Variants in RBFOX1 observed in about 807,000 individuals in gnomAD.
RBFOX1 encodes the protein RNA binding protein fox-1 homolog 1.
In RBFOX1, 8 loss-of-function variants were observed where a neutral mutation model predicts 57.7. The observed-to-expected ratio is 0.14, with a 90% confidence interval of 0.08 to 0.25. The LOEUF is 0.25. Among genes scored for constraint, RBFOX1 ranks in the 10% least tolerant of loss-of-function variants. The pLI, the probability that RBFOX1 is intolerant of heterozygous loss-of-function variation, is 1.00. For synonymous variants in RBFOX1, 326 were observed against 222.4 expected, an observed-to-expected ratio of 1.47 and a Z score of -4.15; for missense variants, 611 against 548.5, an observed-to-expected ratio of 1.11 and a Z score of -1.14.
At chr16:6,854,804 C>G (rs908463263) in intron 3 of RBFOX1, among the ~76,000 whole-genome samples, 5 of 151,904 alleles carry the variant, frequency 3.3e-5, no homozygotes, top group Admixed American at 2.0e-4. Context: ...CCATGTTAGC[C>G]AGGATGGTCT....
In RBFOX1 at chr16:6,163,911, A is replaced by G. The variant is rs182555904; in HGVS notation, c.-127+143919A>G. The stretch of plus-strand genomic sequence containing the variant: ...TCAGACGTTGCCTCTGTGTTTTCTT[A>G]TTGAGTATATTTGAGGTTTACAATG... On this transcript the variant is annotated intron_variant, in intron 1 of 15. Transcript: ENST00000550418. Among the ~76,000 whole-genome samples the G allele has an allele frequency of 2.6e-4, 40 of 152,258 alleles. No homozygotes were observed. The East Asian group carries it at 5.4e-3, about 21-fold the overall frequency.
At chr16:7,573,449 A>T (rs960666922) in intron 5 of RBFOX1, among the ~76,000 whole-genome samples, 1 of 152,010 alleles carries the variant, frequency 6.6e-6, no homozygotes, top group Non-Finnish European at 1.5e-5. Flanking sequence ...AATTTCCTCC[A>T]TTCTCTGAAT....
intron 1 of RBFOX1, among the ~76,000 whole-genome samples, chr16:5,436,246 C>T (rs1300527665): frequency 6.6e-6 from 1 of 152,200 alleles, no homozygotes; most frequent in African/African-American, 2.4e-5. Flanking sequence ...TACCTGTGTT[C>T]CTTTTCTTCA....
At chr16:6,887,667 A>ATTTT (rs55796944) in intron 3 of RBFOX1, among the ~76,000 whole-genome samples, 1 of 143,800 alleles carries the variant, frequency 7.0e-6, no homozygotes, top group Non-Finnish European at 1.5e-5. Context: ...TTCCATAGTC[A>ATTTT]TTTTTTTTTT....
intron 4 of RBFOX1, among the ~76,000 whole-genome samples, chr16:7,145,064 C>T (rs965759097): frequency 7.9e-5 from 12 of 152,196 alleles, no homozygotes; most frequent in Non-Finnish European, 1.5e-4. Context: ...CTGGTCTGCT[C>T]TTTTGGTACC....
chr16:6,813,848 T>C (rs1251802188), intron 3 of RBFOX1, among the ~76,000 whole-genome samples: 2 of 152,224 alleles, frequency 1.3e-5, no homozygotes, highest in Middle Eastern at 3.4e-3. Context: ...CCAACCCCTC[T>C]GGCTTCCATC....
intron 4 of RBFOX1, among the ~76,000 whole-genome samples, chr16:5,993,353 G>A (rs1055179291): frequency 3.5e-5 from 3 of 86,166 alleles, no homozygotes; most frequent in Admixed American, 2.1e-4. Flanking sequence ...GTGTGTGTGT[G>A]TGTGTGTGTG....
intron 1 of RBFOX1, among the ~76,000 whole-genome samples, chr16:6,144,134 C>G (rs575330963): frequency 6.6e-6 from 1 of 152,072 alleles, no homozygotes; most frequent in South Asian, 2.1e-4. Context: ...AGTTCTGAAG[C>G]ATGTATTCCT....
chr16:7,660,642 G>C (rs892857777), intron 12 of RBFOX1, among the ~76,000 whole-genome samples: 1 of 152,196 alleles, frequency 6.6e-6, no homozygotes, highest in Non-Finnish European at 1.5e-5. Context: ...ATAACACTTG[G>C]AGGATGGTGT....
At chr16:5,908,468 T>C (rs1031113210) in intron 4 of RBFOX1, among the ~76,000 whole-genome samples, 1 of 151,752 alleles carries the variant, frequency 6.6e-6, no homozygotes, top group African/African-American at 2.4e-5. Context: ...TTCTTCTGCC[T>C]CAGCTTCCCA....
chr16:7,097,650 G>A (rs1013146615), intron 4 of RBFOX1, among the ~76,000 whole-genome samples: 1 of 152,086 alleles, frequency 6.6e-6, no homozygotes, highest in Non-Finnish European at 1.5e-5. Flanking sequence ...ACTAAACCCA[G>A]GGCCTCTCTG....
chr16:7,292,227 TAGAAC>T, intron 4 of RBFOX1, among the ~76,000 whole-genome samples: 2 of 124,022 alleles, frequency 1.6e-5, no homozygotes, highest in African/African-American at 6.2e-5. Flanking sequence ...ATATATGATA[TAGAAC>T]GTATTATATA....
intron 5 of RBFOX1, among the ~76,000 whole-genome samples, chr16:7,559,310 T>C (rs2089694927): frequency 6.9e-6 from 1 of 145,478 alleles, no homozygotes. Context: ...TACATCTCTT[T>C]CTCTCAGTCT....
At chr16:5,521,948 A>G (rs890073887) in intron 2 of RBFOX1, among the ~76,000 whole-genome samples, 1 of 152,166 alleles carries the variant, frequency 6.6e-6, no homozygotes, top group Non-Finnish European at 1.5e-5. Flanking sequence ...CAGATTACAG[A>G]GGAGGCTGAG....
rs183200524 is a variant in RBFOX1, at chr16:5,821,651, T to A, written c.319-45652T>A. Among the ~76,000 whole-genome samples, 317 of 152,320 alleles carry A rather than the reference T, an allele frequency of 2.1e-3. 1 individual carries two copies. Among genetic ancestry groups the A allele is most frequent in the Admixed American group, 0.011 (171 of 15,296 alleles). On this transcript the variant is annotated intron_variant, in intron 3 of 19. Transcript: ENST00000641259. ...TTTTATTTTTGTCTCAGTCTGTTCCTGCTGCTGTAACAAAATTCCTGAGAC... is the reference window on the plus strand; with the variant it reads ...TTTTATTTTTGTCTCAGTCTGTTCCAGCTGCTGTAACAAAATTCCTGAGAC...
At chr16:7,284,284 A>C (rs2095605743) in intron 4 of RBFOX1, among the ~76,000 whole-genome samples, 1 of 152,136 alleles carries the variant, frequency 6.6e-6, no homozygotes, top group Middle Eastern at 3.2e-3. Flanking sequence ...TCCTGGGTAA[A>C]TTCCTAGGAG....
At chr16:7,018,209 C>T (rs537969559) in intron 3 of RBFOX1, among the ~76,000 whole-genome samples, 1 of 152,178 alleles carries the variant, frequency 6.6e-6, no homozygotes, top group South Asian at 2.1e-4. Context: ...TTAGTAACTA[C>T]CTGAAGAAGG....
chr16:7,279,022 C>T (rs1237461936), intron 4 of RBFOX1, among the ~76,000 whole-genome samples: 1 of 151,272 alleles, frequency 6.6e-6, no homozygotes. Flanking sequence ...AATCTAAAAA[C>T]TGATGACGGA....
At chr16:7,101,671 C>A (rs1246935458) in intron 4 of RBFOX1, among the ~76,000 whole-genome samples, 1 of 152,104 alleles carries the variant, frequency 6.6e-6, no homozygotes, top group Non-Finnish European at 1.5e-5. Context: ...GATTTTAAGG[C>A]ATGTTAGGGT....
Sources: gnomAD v4.1 joint callset for allele counts (sites outside exome capture counted in the v4.1 genomes callset) on GRCh38, gnomAD v4.1.1 for gene constraint, MANE v1.5 for transcripts, NCBI Gene and HGNC (gene_info 2026-07-23, HGNC 2026-07-21) for gene names.